CYSLTR1: variants seen among roughly 807,000 people sequenced by gnomAD.
CYSLTR1 encodes the protein cysteinyl leukotriene receptor 1.
A neutral mutation model predicts 2.1 loss-of-function variants in CYSLTR1; 1 was observed. The ratio of observed to expected loss-of-function variants is 0.48; its 90% CI spans 0.17 to 2.28. The LOEUF is 2.28. Among genes scored for constraint, CYSLTR1 ranks in the 30% most tolerant of loss-of-function variants. The pLI is 0.26. For synonymous variants in CYSLTR1, 110 were observed against 89.6 expected, an observed-to-expected ratio of 1.23 and a Z score of -1.28; for missense variants, 299 against 250.1, an observed-to-expected ratio of 1.20 and a Z score of -1.32.
At chrX:78,291,059 T>A (rs1025682667) in intron 1 of CYSLTR1, among the ~76,000 whole-genome samples, 1 of 111,942 alleles carries the variant, frequency 8.9e-6, no homozygotes, top group South Asian at 3.7e-4. Flanking sequence ...ATGCTTCCAG[T>A]TTTTGCCCAT....
chrX:78,304,940 C>T (rs1045473263), intron 1 of CYSLTR1, among the ~76,000 whole-genome samples: 3 of 111,701 alleles, frequency 2.7e-5, no homozygotes, highest in Non-Finnish European at 3.8e-5. Context: ...TCCCTGTAAT[C>T]GGTTACAGAA....
intron 1 of CYSLTR1, among the ~76,000 whole-genome samples, chrX:78,318,198 T>C (rs1923499657): frequency 1.8e-5 from 2 of 112,237 alleles, no homozygotes; most frequent in Non-Finnish European, 3.8e-5. Context: ...TGGAATACTA[T>C]GCAGACACAA....
chrX:78,292,926 A>T (rs191124939), intron 1 of CYSLTR1, among the ~76,000 whole-genome samples: 5 of 109,255 alleles, frequency 4.6e-5, no homozygotes, highest in African/African-American at 1.7e-4. Flanking sequence ...TTGACTGTTT[A>T]TCCAATTTGC....
rs1922288073 is a variant in CYSLTR1 at position 78,290,758 on chromosome X, G to A, written c.-114-7218C>T. Among the ~76,000 whole-genome samples the A allele has an allele frequency of 3.6e-5, 4 of 111,726 alleles. No individual in the cohort carries two copies. The Admixed American group carries it at 3.8e-4, about 11-fold the overall frequency. ...TCACTCATGATTTGGCTCTCTGTTT[G>A]TGTGTTATTGTTGTATAGGAATGCT... On this transcript the variant is annotated intron_variant, in intron 1 of 2. Coordinates refer to ENST00000373304, the MANE Select transcript of CYSLTR1 (RefSeq NM_006639.4).
chrX:78,307,390 T>C (rs972487732), intron 1 of CYSLTR1, among the ~76,000 whole-genome samples: 1 of 111,754 alleles, frequency 8.9e-6, no homozygotes, highest in Non-Finnish European at 1.9e-5. Flanking sequence ...CCTTGACACA[T>C]GGTCTTATTA....
At chrX:78,294,802 ATC>A (rs1431257705) in intron 1 of CYSLTR1, among the ~76,000 whole-genome samples, 1 of 112,720 alleles carries the variant, frequency 8.9e-6, no homozygotes, top group Non-Finnish European at 1.9e-5. Flanking sequence ...ACATGAGAGA[ATC>A]TCCTGGTCCG....
intron 1 of CYSLTR1, among the ~76,000 whole-genome samples, chrX:78,311,813 C>T (rs1208318775): frequency 9.0e-6 from 1 of 111,631 alleles, no homozygotes; most frequent in Admixed American, 9.5e-5. Flanking sequence ...TAACAAAACA[C>T]TGCTAAAAGA....
chrX:78,320,581 C>A (rs1339992649), intron 1 of CYSLTR1: 3 of 111,693 alleles, frequency 2.7e-5, no homozygotes, highest in African/African-American at 9.8e-5. Flanking sequence ...TTAGGATTGA[C>A]TTGGCAATGC....
chrX:78,297,551 A>T (rs1270238748), intron 1 of CYSLTR1, among the ~76,000 whole-genome samples: 1 of 110,814 alleles, frequency 9.0e-6, no homozygotes, highest in Non-Finnish European at 1.9e-5. Flanking sequence ...TATAACTTCA[A>T]ACTTGTTATT....
chrX:78,272,818 C>T lies in CYSLTR1; in HGVS notation c.929G>A (p.Arg310Lys). 4 of 1,210,960 alleles carry T rather than the reference C, an allele frequency of 3.3e-6. No individual in the cohort carries two copies. Among genetic ancestry groups the T allele is most frequent in the Non-Finnish European group, 3.4e-6 (3 of 895,275 alleles). ...GNFRKRLSTF[R>K]KHSLSSVTYV... is the part of the protein sequence containing the mutation. ...AGTCACGCTGGACAAAGAATGCTTT[C>T]TGAATGTAGACAGCCTTTTCCTAAA... is the stretch of plus-strand genomic sequence containing the variant. Residue 310 changes from arginine (R) to lysine (K), a missense_variant, in exon 3 of 3, where the codon AGA becomes AAA. By Grantham distance (26) the Arg-to-Lys change is conservative (BLOSUM62 2). Transcript: ENST00000373304.
At chrX:78,288,598 T>G (rs1311144217) in intron 1 of CYSLTR1, among the ~76,000 whole-genome samples, 1 of 111,874 alleles carries the variant, frequency 8.9e-6, no homozygotes, top group Non-Finnish European at 1.9e-5. Context: ...ATAATAGCTG[T>G]ATATATTTAT....
intron 1 of CYSLTR1, among the ~76,000 whole-genome samples, chrX:78,322,423 T>G (rs1923701550): frequency 8.9e-6 from 1 of 112,262 alleles, no homozygotes; most frequent in South Asian, 3.7e-4. Context: ...CTCACCTACT[T>G]TGACCACACC....
rs1921260649 is a variant in CYSLTR1, at chrX:78,271,582, T to C, written c.*1151A>G. ...GTCCACGCATATTATATTTCAGCCGTAGATGAGTTGTTGTGGCTGTTTTAA... is the reference window on the plus strand; with the variant it reads ...GTCCACGCATATTATATTTCAGCCGCAGATGAGTTGTTGTGGCTGTTTTAA... On this transcript the variant is annotated 3_prime_UTR_variant, in exon 3 of 3. Coordinates refer to ENST00000373304, the MANE Select transcript of CYSLTR1 (RefSeq NM_006639.4). 8.9e-6 allele frequency: 1 copy of C among 112,004 alleles called. No individual in the cohort carries two copies. Among genetic ancestry groups the C allele is most frequent in the Non-Finnish European group, 1.9e-5 (1 of 53,169 alleles). The allele number at this position is 112,004 out of a possible 1,213,427, so 9.2% of individuals were successfully genotyped here.
intron 1 of CYSLTR1, chrX:78,321,758 G>T (rs1458608846): frequency 9.1e-6 from 1 of 109,775 alleles, no homozygotes; most frequent in Non-Finnish European, 1.9e-5. Flanking sequence ...CCATATTTCA[G>T]AGACTAATGG....
At chrX:78,314,239 T>C (rs749029406) in intron 1 of CYSLTR1, among the ~76,000 whole-genome samples, 3 of 111,955 alleles carry the variant, frequency 2.7e-5, no homozygotes, top group Non-Finnish European at 5.6e-5. Context: ...TGTTAGAACC[T>C]TGGAGAACAC....
intron 1 of CYSLTR1, among the ~76,000 whole-genome samples, chrX:78,297,933 T>C (rs1411478719): frequency 1.8e-5 from 2 of 111,780 alleles, no homozygotes; most frequent in Non-Finnish European, 3.8e-5. Flanking sequence ...TGCTTTGCTC[T>C]TGCTTTTCTA....
In CYSLTR1 at chrX:78,294,900, G is replaced by T. The variant is rs147922054; in HGVS notation, c.-114-11360C>A. ...GTACAGTCTGTCACAGCTTCCCTTG[G>T]CTAGGAATGGGAAATCCCATGACCC... On this transcript the variant is annotated intron_variant, in intron 1 of 2. Coordinates refer to ENST00000373304, the MANE Select transcript of CYSLTR1 (RefSeq NM_006639.4). 8.1e-4 allele frequency among the ~76,000 whole-genome samples: 91 copies of T among 112,723 alleles called. No individual in the cohort carries two copies. The East Asian group carries it at 0.024, about 29-fold the overall frequency.
intron 1 of CYSLTR1, among the ~76,000 whole-genome samples, chrX:78,288,463 G>A (rs1216923179): frequency 1.8e-5 from 2 of 110,155 alleles, no homozygotes; most frequent in Admixed American, 9.7e-5. Context: ...TCTCTTCTTT[G>A]AAATGCCACA....
At chrX:78,303,491 C>T (rs979037430) in intron 1 of CYSLTR1, among the ~76,000 whole-genome samples, 5 of 109,861 alleles carry the variant, frequency 4.6e-5, no homozygotes, top group African/African-American at 1.7e-4. Context: ...GTGGAGCCTT[C>T]TATTTTACCA....
Sources: gnomAD v4.1 joint callset for allele counts (sites outside exome capture counted in the v4.1 genomes callset) on GRCh38, gnomAD v4.1.1 for gene constraint, MANE v1.5 for transcripts, NCBI Gene and HGNC (gene_info 2026-07-23, HGNC 2026-07-21) for gene names.